TWSG1: variants seen among roughly 807,000 people sequenced by gnomAD.
The protein encoded by TWSG1 is twisted gastrulation BMP signaling modulator 1.
Under a neutral mutation model 23.0 loss-of-function variants are expected in TWSG1, and 15 were observed. The observed-to-expected ratio is 0.65, with a 90% CI of 0.44 to 1.00. The LOEUF (loss-of-function observed/expected upper bound fraction) is 1.00, where lower values mean the gene tolerates loss of function less well. TWSG1 is among the 50% of genes least tolerant of loss of function. The pLI is 0.00. For missense variants in TWSG1, 242 were observed against 278.7 expected (o/e 0.87, Z 0.94); for synonymous variants, 86 against 92.8 (o/e 0.93, Z 0.42).
At chr18:9,385,963 G>A (rs377599197) in intron 3 of TWSG1, among the ~76,000 whole-genome samples, 3 of 152,246 alleles carry the variant, frequency 2.0e-5, no homozygotes, top group South Asian at 4.1e-4. Context: ...GAGGTCAGGA[G>A]TTCGAGACCA....
At chr18:9,394,754 ACACACACACATGCATGCATG>A (rs1376749041) in intron 3 of TWSG1, among the ~76,000 whole-genome samples, 1 of 152,120 alleles carries the variant, frequency 6.6e-6, no homozygotes, top group Non-Finnish European at 1.5e-5. Context: ...CTCCCTACAG[ACACACACACATGCATGCATG>A]CACACACACG....
intron 3 of TWSG1, among the ~76,000 whole-genome samples, chr18:9,375,899 C>T (rs2040628046): frequency 6.6e-6 from 1 of 151,738 alleles, no homozygotes; most frequent in Non-Finnish European, 1.5e-5. Context: ...GATGTCAGTT[C>T]TTCCCACCTT....
intron 2 of TWSG1, among the ~76,000 whole-genome samples, chr18:9,348,096 AGCAG>A (rs1302120518): frequency 6.6e-6 from 1 of 152,232 alleles, no homozygotes; most frequent in Admixed American, 6.5e-5. Flanking sequence ...CTGGACTTAC[AGCAG>A]AGAACACTTG....
chr18:9,338,267 C>A (rs1256390463), intron 2 of TWSG1, among the ~76,000 whole-genome samples: 1 of 152,182 alleles, frequency 6.6e-6, no homozygotes, highest in East Asian at 1.9e-4. Context: ...AGTTGGAATT[C>A]TACTTGCCCC....
chr18:9,398,001 T>C (rs1445852290), intron 4 of TWSG1, among the ~76,000 whole-genome samples: 2 of 73,670 alleles, frequency 2.7e-5, no homozygotes, highest in Admixed American at 1.8e-4. Context: ...CAAAACTCCA[T>C]CTCAAAAAAA....
rs2040765082 is a variant in TWSG1, at chr18:9,402,075, C to T, written c.*2548C>T. ...AATGGTAATTTAAATAAAATCTATT[C>T]TGTGTTTATGTAGGGTGGTATAAAA... On this transcript the variant is annotated 3_prime_UTR_variant, in exon 5 of 5. Transcript: ENST00000262120. 6.6e-6 allele frequency: 1 copy of T among 151,940 alleles called. No individual in the cohort carries two copies. Among genetic ancestry groups the T allele is most frequent in the Non-Finnish European group, 1.5e-5 (1 of 67,972 alleles). 9.4% of individuals were successfully genotyped at this position (151,940 alleles called of 1,614,324 possible).
intron 2 of TWSG1, among the ~76,000 whole-genome samples, chr18:9,341,902 C>T (rs1479938318): frequency 2.6e-5 from 4 of 151,742 alleles, no homozygotes; most frequent in Middle Eastern, 6.8e-3. Context: ...GTTTGGGTTC[C>T]AGTCTTGGGA....
In TWSG1 at chr18:9,344,489, GCA is replaced by G. The variant is rs1491345507; in HGVS notation, c.123+7138_123+7139del. ...GCATCTTTTTATGTGCTTAGTGAATGCATGTGTGTGTGTGTGTGTGTGTGTGT... is the reference window on the plus strand; with the variant it reads ...GCATCTTTTTATGTGCTTAGTGAATGTGTGTGTGTGTGTGTGTGTGTGTGT... On this transcript the variant is annotated intron_variant, in intron 2 of 4. Coordinates refer to ENST00000262120, the MANE Select transcript of TWSG1 (RefSeq NM_020648.6). 5.4e-4 allele frequency among the ~76,000 whole-genome samples: 25 copies of G among 46,276 alleles called. No homozygotes were observed. In the East Asian group the frequency reaches 9.6e-3, roughly 18 times the overall value. 30.4% of individuals were successfully genotyped at this position (46,276 alleles called of 152,430 possible). A position where few individuals can be genotyped will look rare whatever the true frequency, so the allele number is the denominator to read the frequency against.
At chr18:9,389,112 G>A (rs1230960092) in intron 3 of TWSG1, among the ~76,000 whole-genome samples, 1 of 152,064 alleles carries the variant, frequency 6.6e-6, no homozygotes. Context: ...GAGTAGCTGG[G>A]ATTACAGGTA....
intron 4 of TWSG1, 124 bp from the exon 5 acceptor site, chr18:9,399,222 A>T (rs1347546568): frequency 1.2e-5 from 7 of 564,668 alleles, no homozygotes; most frequent in Non-Finnish European, 2.1e-5. Flanking sequence ...CATCTTTGTC[A>T]TGTACAGACC....
intron 1 of TWSG1, 123 bp from the exon 2 acceptor site, chr18:9,337,068 TAA>T (rs889705318): frequency 2.3e-6 from 2 of 858,108 alleles, no homozygotes; most frequent in African/African-American, 3.4e-5. Flanking sequence ...AGCAAGACTC[TAA>T]AAAAGAAAGA....
chr18:9,395,007 CTCT>C (rs1433800189), intron 3 of TWSG1, among the ~76,000 whole-genome samples: 1 of 152,138 alleles, frequency 6.6e-6, no homozygotes, highest in Non-Finnish European at 1.5e-5. Flanking sequence ...CCAGTGGTAC[CTCT>C]TCTTTCTTTC....
At chr18:9,353,339 G>A (rs1023333856) in intron 2 of TWSG1, among the ~76,000 whole-genome samples, 1 of 152,270 alleles carries the variant, frequency 6.6e-6, no homozygotes, top group African/African-American at 2.4e-5. Context: ...GAAATTCTCT[G>A]TCATATTGAA....
chr18:9,385,717 A>G lies in TWSG1; in HGVS notation c.224-10563A>G, dbSNP rs866263892. Among the ~76,000 whole-genome samples the G allele has an allele frequency of 2.3e-3, 85 of 37,582 alleles. 26 individuals carry two copies. Among genetic ancestry groups the G allele is most frequent in the Non-Finnish European group, 4.1e-3 (74 of 18,196 alleles). 24.7% of individuals were successfully genotyped at this position (37,582 alleles called of 152,430 possible). A position where few individuals can be genotyped will look rare whatever the true frequency, so the allele number is the denominator to read the frequency against. On this transcript the variant is annotated intron_variant, in intron 3 of 4. Transcript: ENST00000262120. ...TCTCAAAAAAAAAAAAAAAAAAAAA[A>G]AAAAGAAAGAACGAAGTAAAAAGCA...
intron 2 of TWSG1, among the ~76,000 whole-genome samples, chr18:9,345,022 G>A (rs560505453): frequency 6.6e-6 from 1 of 152,280 alleles, no homozygotes; most frequent in South Asian, 2.1e-4. Context: ...GCCTCTCAAA[G>A]CGCTGGAATT....
intron 2 of TWSG1, among the ~76,000 whole-genome samples, chr18:9,354,181 A>T (rs1454679486): frequency 1.3e-5 from 2 of 152,244 alleles, no homozygotes; most frequent in Non-Finnish European, 2.9e-5. Flanking sequence ...TCTAGCCACT[A>T]ATTGAATGAA....
At chr18:9,357,452 G>T (rs558228161) in intron 2 of TWSG1, among the ~76,000 whole-genome samples, 1 of 152,264 alleles carries the variant, frequency 6.6e-6, no homozygotes, top group East Asian at 1.9e-4. Flanking sequence ...TGCAAAAAAT[G>T]TCGTATTAGA....
chr18:9,353,608 A>G (rs898762805), intron 2 of TWSG1, among the ~76,000 whole-genome samples: 12 of 152,254 alleles, frequency 7.9e-5, no homozygotes, highest in Non-Finnish European at 1.5e-4. Context: ...CATCTAGCAT[A>G]GTTATTTACA....
intron 2 of TWSG1, among the ~76,000 whole-genome samples, chr18:9,347,031 G>A (rs997425196): frequency 6.6e-6 from 1 of 152,094 alleles, no homozygotes; most frequent in African/African-American, 2.4e-5. Flanking sequence ...ATCTAAATAG[G>A]TATATAGTGG....
Sources: gnomAD v4.1 joint callset for allele counts (sites outside exome capture counted in the v4.1 genomes callset) on GRCh38, gnomAD v4.1.1 for gene constraint, MANE v1.5 for transcripts, NCBI Gene and HGNC (gene_info 2026-07-23, HGNC 2026-07-21) for gene names.